The following LCOR variants were observed in gnomAD, a reference collection of about 807,000 sequenced individuals.
LCOR encodes ligand dependent nuclear receptor corepressor.
In LCOR, 14 loss-of-function variants were observed where a neutral mutation model predicts 64.4. The observed-to-expected ratio is 0.22, with a 90% CI of 0.14 to 0.34. The LOEUF (loss-of-function observed/expected upper bound fraction) is 0.34. Among genes scored for constraint, LCOR ranks in the 10% least tolerant of loss-of-function variants. The pLI, the probability that LCOR is intolerant of heterozygous loss-of-function variation, is 1.00. For synonymous variants in LCOR, 643 were observed against 642.5 expected (o/e 1.00, Z -0.01); for missense variants, 1,686 against 1,765.3 (o/e 0.96, Z 0.80).
intron 2 of LCOR, among the ~76,000 whole-genome samples, chr10:96,899,120 T>A (rs1454357443): frequency 6.6e-6 from 1 of 152,170 alleles, no homozygotes; most frequent in Non-Finnish European, 1.5e-5. Context: ...AGACGAAATC[T>A]ATGATTGAGA....
intron 2 of LCOR, among the ~76,000 whole-genome samples, chr10:96,885,720 A>G (rs745337219): frequency 2.0e-5 from 3 of 151,632 alleles, no homozygotes; most frequent in South Asian, 2.1e-4. Context: ...AAAGGATTTC[A>G]GTTAAGAATT....
rs1280815469 is a variant in LCOR at position 96,980,961 on chromosome 10, T to A, written c.501T>A (p.Asp167Glu). Residue 167 changes from aspartate to glutamate, a missense_variant, in exon 8 of 8, where the codon GAT (aspartate) becomes GAA (glutamate). Asp to Glu is a conservative substitution (Grantham distance 45). Transcript: ENST00000421806. ...QPGTEDLQPSDSGAMDVSTCN... is the reference protein window; with the variant it reads ...QPGTEDLQPSESGAMDVSTCN... Reference sequence around the variant, plus strand: ...GCACTGAGGACCTGCAGCCTTCTGATTCGGGAGCAATGGATGTATCCACTT... The same window carrying A: ...GCACTGAGGACCTGCAGCCTTCTGAATCGGGAGCAATGGATGTATCCACTT... 5 of 702,938 alleles carry A rather than the reference T, an allele frequency of 7.1e-6. No homozygotes were observed. Among genetic ancestry groups the A allele is most frequent in the Non-Finnish European group, 1.3e-5 (5 of 385,020 alleles). The allele number at this position is 702,938 out of a possible 1,614,324, so 43.5% of individuals were successfully genotyped here. A position where few individuals can be genotyped will look rare whatever the true frequency, so the allele number is the denominator to read the frequency against.
chr10:96,956,808 G>A (rs1453646660), intron 7 of LCOR: 1 of 985,684 alleles, frequency 1.0e-6, no homozygotes, highest in African/African-American at 1.7e-5. Context: ...AGCAAACTAG[G>A]TTTCTTTGTA....
intron 2 of LCOR, among the ~76,000 whole-genome samples, chr10:96,868,907 TTTG>T (rs912649306): frequency 1.6e-4 from 25 of 152,110 alleles, no homozygotes; most frequent in Admixed American, 9.8e-4. Context: ...ATTGTTGGTT[TTTG>T]TTGTTGTTGT....
chr10:96,832,591 C>G (rs1490410245), intron 1 of LCOR, among the ~76,000 whole-genome samples, 192 bp downstream of exon 1: 1 of 146,716 alleles, frequency 6.8e-6, no homozygotes. Flanking sequence ...CCTGCTCGGC[C>G]GAGCGCGCGC....
chr10:96,890,730 A>G (rs895349234), intron 2 of LCOR, among the ~76,000 whole-genome samples: 4 of 152,086 alleles, frequency 2.6e-5, no homozygotes, highest in Admixed American at 2.6e-4. Context: ...CTATTCCTAG[A>G]TTGTTGAGCG....
chr10:96,881,352 C>G (rs1846259513), intron 2 of LCOR, among the ~76,000 whole-genome samples: 2 of 152,086 alleles, frequency 1.3e-5, no homozygotes, highest in African/African-American at 4.8e-5. Context: ...GGTATTTTAA[C>G]ATACTTAATA....
At chr10:96,872,446 G>A (rs577090694) in intron 2 of LCOR, among the ~76,000 whole-genome samples, 11 of 152,224 alleles carry the variant, frequency 7.2e-5, no homozygotes, top group East Asian at 3.9e-4. Context: ...TAGTCCTGGC[G>A]CTTTGGGAGG....
intron 4 of LCOR, among the ~76,000 whole-genome samples, chr10:96,909,116 A>G (rs1471664980): frequency 3.9e-5 from 6 of 152,016 alleles, no homozygotes; most frequent in Non-Finnish European, 8.8e-5. Context: ...AATCATTACT[A>G]TAGTTCTCTC....
intron 7 of LCOR, among the ~76,000 whole-genome samples, chr10:96,953,167 C>G (rs1459498835): frequency 6.6e-6 from 1 of 152,050 alleles, no homozygotes; most frequent in Non-Finnish European, 1.5e-5. Context: ...ATTATGCGTA[C>G]TAATCTTTTT....
At chr10:96,975,690 G>A (rs1384402645) in intron 7 of LCOR, among the ~76,000 whole-genome samples, 2 of 151,726 alleles carry the variant, frequency 1.3e-5, no homozygotes, top group Non-Finnish European at 2.9e-5. Context: ...ACAAGGCAAA[G>A]TCAATACAAG....
Position 96,832,333 on chromosome 10 carries a change from T to A in LCOR, c.-470T>A, listed in dbSNP as rs1845348615. ...GAGGGTGTGTAGGCGGCAGCAATGC[T>A]CCGTTGAGAGACGCGGCTTTCGGCA... On this transcript the variant is annotated 5_prime_UTR_variant, in exon 1 of 8. Transcript: ENST00000421806. 1.0e-6 allele frequency: 1 copy of A among 984,216 alleles called. No individual in the cohort carries two copies. The allele number at this position is 984,216 out of a possible 1,614,324, so 61.0% of individuals were successfully genotyped here. A position where few individuals can be genotyped will look rare whatever the true frequency, so the allele number is the denominator to read the frequency against.
intron 7 of LCOR, among the ~76,000 whole-genome samples, chr10:96,972,912 C>T (rs1362353490): frequency 2.0e-5 from 3 of 152,092 alleles, no homozygotes; most frequent in East Asian, 3.9e-4. Context: ...ATTGCATGCC[C>T]TTTGCTTTAG....
chr10:96,891,076 T>C (rs1423563222), intron 2 of LCOR, among the ~76,000 whole-genome samples: 1 of 152,196 alleles, frequency 6.6e-6, no homozygotes, highest in Non-Finnish European at 1.5e-5. Flanking sequence ...ATCCCTTTTC[T>C]CTTTTTTTGG....
chr10:96,865,527 C>T (rs1037803175), intron 2 of LCOR, among the ~76,000 whole-genome samples: 4 of 145,244 alleles, frequency 2.8e-5, no homozygotes, highest in African/African-American at 5.3e-5. Flanking sequence ...TTAAAATGTA[C>T]AGTAGTTATG....
chr10:96,920,172 A>T (rs1421802650), intron 4 of LCOR, among the ~76,000 whole-genome samples: 1 of 144,894 alleles, frequency 6.9e-6, no homozygotes, highest in Admixed American at 6.9e-5. Context: ...CCGTGGGTGT[A>T]TTTTTTTTTT....
At chr10:96,958,924 AAAAC>A (rs1477563768) in intron 7 of LCOR, 5 of 150,916 alleles carry the variant, frequency 3.3e-5, no homozygotes, top group African/African-American at 5.0e-5. Context: ...AAAAAAAAAA[AAAAC>A]AAAAAGCTGC....
Position 96,983,931 on chromosome 10 carries a change from A to G in LCOR, c.3471A>G (p.Lys1157=), listed in dbSNP as rs148854711. The part of the protein sequence containing the change: ...EIWKSKKRSR[K]CRSSLESQKC... ...GGAAAAGCAAGAAAAGGTCACGGAAATGTAGGAGTTCATTGGAGAGTCAGA... is the reference window on the plus strand; with the variant it reads ...GGAAAAGCAAGAAAAGGTCACGGAAGTGTAGGAGTTCATTGGAGAGTCAGA... The change falls in exon 8 of 8, where the codon AAA becomes AAG. Residue 1157 remains lysine, a synonymous_variant. Transcript: ENST00000421806. This position sits in a 1 kb window ranked among gnomAD's most constrained non-coding sequence, Gnocchi z 4.5. 2.9e-4 allele frequency: 470 copies of G among 1,614,112 alleles called. 1 individual carries two copies. Among genetic ancestry groups the G allele is most frequent in the Non-Finnish European group, 3.7e-4 (440 of 1,180,048 alleles).
chr10:96,950,669 A>T (rs1847662695), intron 6 of LCOR, among the ~76,000 whole-genome samples: 1 of 152,140 alleles, frequency 6.6e-6, no homozygotes, highest in African/African-American at 2.4e-5. Flanking sequence ...ACTACATGAT[A>T]GCATTATAGT....
Sources: gnomAD v4.1 joint callset for allele counts (sites outside exome capture counted in the v4.1 genomes callset) on GRCh38, gnomAD v4.1.1 for gene constraint, Gnocchi (gnomAD v3.1) non-coding constraint, MANE v1.5 for transcripts, NCBI Gene and HGNC (gene_info 2026-07-23, HGNC 2026-07-21) for gene names.